The following SHISAL2A variants were observed in gnomAD, a reference collection of about 807,000 sequenced individuals.
SHISAL2A encodes protein shisa-like-2A.
SHISAL2A carries 18 observed loss-of-function variants against 11.5 expected under a neutral mutation model. That is an observed-to-expected ratio of 1.57 (90% CI 1.08 to 2.33). The LOEUF (loss-of-function observed/expected upper bound fraction) is 2.33, where lower values mean the gene tolerates loss of function less well. Ranked by LOEUF, SHISAL2A falls within the 30% of genes most tolerant of loss-of-function variation. The pLI is 0.00. For synonymous variants in SHISAL2A, 94 were observed against 99.6 expected (o/e 0.94, Z 0.34); for missense variants, 261 against 250.9 (o/e 1.04, Z -0.27).
downstream of SHISAL2A, among the ~76,000 whole-genome samples, chr1:52,661,825 A>C (rs1315068815): frequency 6.6e-6 from 1 of 152,186 alleles, no homozygotes; most frequent in East Asian, 1.9e-4. Context: ...TGAGGTCAGG[A>C]GTTCCAGACC....
downstream of SHISAL2A, among the ~76,000 whole-genome samples, chr1:52,657,790 G>A (rs1470891526): frequency 6.6e-6 from 1 of 152,128 alleles, no homozygotes; most frequent in African/African-American, 2.4e-5. Context: ...TGGAGGTCGA[G>A]GCTGCAGTGA....
downstream of SHISAL2A, chr1:52,659,262 G>A: frequency 6.6e-6 from 1 of 152,508 alleles, no homozygotes; most frequent in Non-Finnish European, 1.5e-5. Flanking sequence ...CGAGACGGGT[G>A]GTTGCTATGT....
chr1:52,652,956 ACT>A (rs1691701578), intron 2 of SHISAL2A, among the ~76,000 whole-genome samples: 1 of 100,792 alleles, frequency 9.9e-6, no homozygotes, highest in Admixed American at 1.3e-4. Flanking sequence ...ACAGAGTGAG[ACT>A]CTGTCTCAAA....
intron 2 of SHISAL2A, among the ~76,000 whole-genome samples, chr1:52,646,775 G>C (rs996287198): frequency 3.9e-5 from 6 of 151,922 alleles, no homozygotes; most frequent in Non-Finnish European, 8.8e-5. Flanking sequence ...TTAGTGCCAT[G>C]GTTTTTGTAT....
intron 2 of SHISAL2A, 138 bp downstream of exon 2, chr1:52,643,140 TGGA>T: frequency 1.3e-6 from 1 of 776,452 alleles, no homozygotes; most frequent in Non-Finnish European, 2.1e-6. Flanking sequence ...CACATTTTTC[TGGA>T]GATTCGTGAT....
rs1691805973 is a variant in SHISAL2A, at chr1:52,657,017, G to A, written c.550G>A (p.Asp184Asn). The A allele has an allele frequency of 6.2e-7, 1 of 1,608,018 alleles. No homozygotes were observed. Among genetic ancestry groups the A allele is most frequent in the Non-Finnish European group, 8.5e-7 (1 of 1,176,220 alleles). The change falls in exon 3 of 3, where the codon GAC (aspartate) becomes AAC (asparagine). Residue 184 changes from aspartate to asparagine, a missense_variant. Asp to Asn is a conservative substitution (Grantham distance 23). Coordinates refer to ENST00000517870, the MANE Select transcript of SHISAL2A (RefSeq NM_001042693.3). Reference sequence around the variant, plus strand: ...TGAGGAAGCCTCTGTACCCAACCCTGACCTATGTGGACCAGTCCCATAAAC... The same window carrying A: ...TGAGGAAGCCTCTGTACCCAACCCTAACCTATGTGGACCAGTCCCATAAAC... ...SPEEASVPNP[D>N]LCGPVP
At chr1:52,649,689 C>T (rs910015904) in intron 2 of SHISAL2A, among the ~76,000 whole-genome samples, 1 of 152,212 alleles carries the variant, frequency 6.6e-6, no homozygotes, top group African/African-American at 2.4e-5. Flanking sequence ...GGACTTCAAA[C>T]ACATCATCCC....
chr1:52,646,119 T>C (rs1168292241), intron 2 of SHISAL2A, among the ~76,000 whole-genome samples: 2 of 152,188 alleles, frequency 1.3e-5, no homozygotes, highest in African/African-American at 4.8e-5. Flanking sequence ...TATGTAAACA[T>C]TTTTGGTTGT....
At chr1:52,643,153 T>C in intron 2 of SHISAL2A, 151 bp downstream of exon 2, 2 of 707,434 alleles carry the variant, frequency 2.8e-6, no homozygotes, top group Non-Finnish European at 4.8e-6. Flanking sequence ...AGATTCGTGA[T>C]CTAAACATTT....
downstream of SHISAL2A, among the ~76,000 whole-genome samples, chr1:52,658,667 CTT>C (rs1691845615): frequency 6.6e-6 from 1 of 152,200 alleles, no homozygotes; most frequent in Non-Finnish European, 1.5e-5. Flanking sequence ...TTTAACATGT[CTT>C]ATTATTAATC....
At chr1:52,632,897 C>T (rs1428938111), upstream of SHISAL2A, among the ~76,000 whole-genome samples, 1 of 152,194 alleles carries the variant, frequency 6.6e-6, no homozygotes, top group Non-Finnish European at 1.5e-5. Flanking sequence ...TGCGAACATC[C>T]CCGGGCCCCT....
chr1:52,635,328 T>A (rs1402746370), intron 1 of SHISAL2A, among the ~76,000 whole-genome samples: 5 of 152,100 alleles, frequency 3.3e-5, no homozygotes, highest in Admixed American at 3.3e-4. Flanking sequence ...AAATAGGACA[T>A]AATTCTCAAA....
intron 2 of SHISAL2A, among the ~76,000 whole-genome samples, chr1:52,654,224 T>TATAGATAGATAGATAGATAG (rs55929422): frequency 2.0e-4 from 29 of 147,788 alleles, no homozygotes; most frequent in East Asian, 7.9e-4. Context: ...ATGGCAGTTT[T>TATAGATAGATAGATAGATAG]ATAGATAGAT....
intron 1 of SHISAL2A, among the ~76,000 whole-genome samples, chr1:52,637,012 C>G (rs114789909): frequency 0.011 from 1,684 of 152,320 alleles, 88 homozygotes; most frequent in Admixed American, 0.089. Context: ...AACCCCTTCC[C>G]TACACAGCTC....
At chr1:52,652,290 G>T (rs996116860) in intron 2 of SHISAL2A, among the ~76,000 whole-genome samples, 6 of 152,110 alleles carry the variant, frequency 3.9e-5, no homozygotes, top group Non-Finnish European at 7.4e-5. Flanking sequence ...AAATCAGTGG[G>T]GAAAGCCATA....
chr1:52,653,217 G>A (rs2149888372), intron 2 of SHISAL2A, among the ~76,000 whole-genome samples: 1 of 136,690 alleles, frequency 7.3e-6, no homozygotes, highest in South Asian at 2.3e-4. Flanking sequence ...GGGAGGCCAA[G>A]ACTGGAGGAT....
intron 1 of SHISAL2A, among the ~76,000 whole-genome samples, chr1:52,636,946 A>T (rs535188262): frequency 6.6e-6 from 1 of 152,122 alleles, no homozygotes; most frequent in Non-Finnish European, 1.5e-5. Flanking sequence ...GCCCCTGGGG[A>T]CACAGAGGTG....
At chr1:52,650,721 T>C (rs891354615) in intron 2 of SHISAL2A, among the ~76,000 whole-genome samples, 2 of 144,510 alleles carry the variant, frequency 1.4e-5, no homozygotes, top group African/African-American at 5.1e-5. Flanking sequence ...CTTGGCTCAC[T>C]GCAACCTTCG....
At chr1:52,653,320 G>A (rs1207375283) in intron 2 of SHISAL2A, among the ~76,000 whole-genome samples, 2 of 143,526 alleles carry the variant, frequency 1.4e-5, no homozygotes, top group Non-Finnish European at 1.5e-5. Context: ...AAAAAGCAGG[G>A]TATGGTGGCA....
Sources: gnomAD v4.1 joint callset for allele counts (sites outside exome capture counted in the v4.1 genomes callset) on GRCh38, gnomAD v4.1.1 for gene constraint, MANE v1.5 for transcripts, NCBI Gene and HGNC (gene_info 2026-07-23, HGNC 2026-07-21) for gene names.